The following CCDC3 variants were observed in gnomAD, a reference collection of about 807,000 sequenced individuals.
The protein encoded by CCDC3 is coiled-coil domain-containing protein 3.
In CCDC3, 24 loss-of-function variants were observed where a neutral mutation model predicts 21.4. The ratio of observed to expected loss-of-function variants is 1.12; its 90% confidence interval spans 0.81 to 1.58. The LOEUF (loss-of-function observed/expected upper bound fraction) is 1.58. CCDC3 is among the 40% of genes most tolerant of loss of function. The pLI is 0.00. For synonymous variants in CCDC3, 186 were observed against 166.0 expected (o/e 1.12, Z -0.93); for missense variants, 425 against 360.9 (o/e 1.18, Z -1.44).
At chr10:12,995,003 C>T (rs1257778166) in intron 2 of CCDC3, among the ~76,000 whole-genome samples, 2 of 151,584 alleles carry the variant, frequency 1.3e-5, no homozygotes, top group Non-Finnish European at 2.9e-5. Flanking sequence ...ATCACTTGAA[C>T]CCTCGGAAGT....
intron 4 of CCDC3, among the ~76,000 whole-genome samples, chr10:13,051,883 C>T (rs1336756340): frequency 3.3e-5 from 5 of 152,076 alleles, no homozygotes; most frequent in South Asian, 4.1e-4. Flanking sequence ...TGAGCACTTC[C>T]GCTTGGACAG....
At chr10:13,091,681 T>A (rs1347136186) in intron 3 of CCDC3, among the ~76,000 whole-genome samples, 1 of 152,104 alleles carries the variant, frequency 6.6e-6, no homozygotes, top group Non-Finnish European at 1.5e-5. Flanking sequence ...CATCCTAAAG[T>A]TCTCTCCCCT....
At chr10:12,930,136 C>G (rs1310294487) in intron 2 of CCDC3, among the ~76,000 whole-genome samples, 3 of 152,218 alleles carry the variant, frequency 2.0e-5, no homozygotes, top group African/African-American at 7.2e-5. Context: ...TCCTCCAGCT[C>G]ATGGTCTAGG....
chr10:13,093,815 T>C (rs1832602896), intron 3 of CCDC3, among the ~76,000 whole-genome samples: 1 of 152,182 alleles, frequency 6.6e-6, no homozygotes, highest in South Asian at 2.1e-4. Context: ...TGTACTTTCC[T>C]ACTACTGATC....
intron 2 of CCDC3, among the ~76,000 whole-genome samples, chr10:12,931,123 A>G (rs1470080418): frequency 6.7e-6 from 1 of 150,082 alleles, no homozygotes; most frequent in Admixed American, 6.8e-5. Flanking sequence ...AAGCAGGACA[A>G]TCACTTGAAC....
At chr10:13,002,660 G>A (rs73583893), upstream of CCDC3, among the ~76,000 whole-genome samples, 1,412 of 152,288 alleles carry the variant, frequency 9.3e-3, 20 homozygotes, top group African/African-American at 0.032. Flanking sequence ...ACTTTCAGGC[G>A]TGAGCCCCCA....
chr10:12,920,752 T>G (rs1834438443), intron 2 of CCDC3, among the ~76,000 whole-genome samples: 1 of 152,162 alleles, frequency 6.6e-6, no homozygotes, highest in Admixed American at 6.5e-5. Context: ...GTTTTGTGGA[T>G]TATAAAAGCG....
At chr10:13,025,520 G>A (rs988719357) in intron 5 of CCDC3, among the ~76,000 whole-genome samples, 2 of 152,126 alleles carry the variant, frequency 1.3e-5, no homozygotes, top group Non-Finnish European at 2.9e-5. Context: ...GACTTAGGGC[G>A]CAATTGTCAT....
chr10:13,062,076 C>T (rs1836764614), intron 4 of CCDC3, among the ~76,000 whole-genome samples: 1 of 148,628 alleles, frequency 6.7e-6, no homozygotes, highest in South Asian at 2.1e-4. Context: ...TAATGTTATG[C>T]CAGATTCAGA....
intron 2 of CCDC3, among the ~76,000 whole-genome samples, chr10:12,937,942 G>A (rs1022403575): frequency 7.2e-5 from 11 of 152,172 alleles, no homozygotes; most frequent in African/African-American, 1.2e-4. Flanking sequence ...CTTCCATCCC[G>A]TGGCCCTTAT....
chr10:12,987,210 A>T (rs757585046), intron 2 of CCDC3, among the ~76,000 whole-genome samples: 1 of 152,148 alleles, frequency 6.6e-6, no homozygotes, highest in African/African-American at 2.4e-5. Context: ...CAGCAGGAGT[A>T]CCCATCTTTC....
intron 2 of CCDC3, among the ~76,000 whole-genome samples, chr10:12,982,121 C>CAAAAAAAAAAAAAA (rs71386135): frequency 3.0e-5 from 1 of 33,230 alleles, no homozygotes; most frequent in African/African-American, 1.4e-4. Context: ...GACTCTGTCT[C>CAAAAAAAAAAAAAA]AAAAAAAAAA....
In CCDC3 at chr10:13,048,202, A is replaced by AT. The variant is rs59959644; in HGVS notation, c.-2+1471dup. Among the ~76,000 whole-genome samples, 76 of 151,072 alleles carry AT rather than the reference A, an allele frequency of 5.0e-4. 1 individual carries two copies. Among genetic ancestry groups the AT allele is most frequent in the African/African-American group, 1.5e-3 (62 of 41,254 alleles). ...GGCAGAGTGAATTGAGGTCCCAATT[A>AT]TTTTTTTTTAGACGGAGTCTCGCTC... On this transcript the variant is annotated intron_variant, in intron 5 of 6. Transcript: ENST00000378839.
At chr10:12,948,369 A>C (rs1212092217) in intron 2 of CCDC3, among the ~76,000 whole-genome samples, 1 of 152,068 alleles carries the variant, frequency 6.6e-6, no homozygotes, top group East Asian at 1.9e-4. Context: ...CCCATATACT[A>C]AACTGACTCA....
intron 4 of CCDC3, among the ~76,000 whole-genome samples, chr10:13,066,081 C>G (rs1330562316): frequency 6.6e-6 from 1 of 152,172 alleles, no homozygotes; most frequent in Non-Finnish European, 1.5e-5. Flanking sequence ...GATGCAAAAT[C>G]CTGGGCTCCA....
chr10:12,973,550 C>A (rs1455543625), intron 2 of CCDC3, among the ~76,000 whole-genome samples: 4 of 152,220 alleles, frequency 2.6e-5, no homozygotes, highest in African/African-American at 9.6e-5. Context: ...ACGTGGAAGT[C>A]TCCCCTAAAA....
chr10:13,048,163 A>AT (rs957085685), intron 5 of CCDC3, among the ~76,000 whole-genome samples: 12 of 151,794 alleles, frequency 7.9e-5, no homozygotes, highest in Admixed American at 1.3e-4. Context: ...TTTAAGCTTA[A>AT]TTTTTTTTCT....
At chr10:12,940,229 GTTTTTTTT>G (rs34664068) in intron 2 of CCDC3, among the ~76,000 whole-genome samples, 2 of 105,218 alleles carry the variant, frequency 1.9e-5, no homozygotes, top group African/African-American at 7.2e-5. Context: ...CATTGAAATT[GTTTTTTTT>G]TTTTTTTTTT....
chr10:13,058,926 G>A (rs1327186044), intron 4 of CCDC3, among the ~76,000 whole-genome samples: 1 of 152,084 alleles, frequency 6.6e-6, no homozygotes, highest in African/African-American at 2.4e-5. Context: ...TATTCTAATT[G>A]CTTCACATAC....
Sources: allele counts gnomAD v4.1 joint callset (sites outside exome capture counted in the v4.1 genomes callset), GRCh38; gene constraint gnomAD v4.1.1; transcripts MANE v1.5; gene names NCBI Gene and HGNC (gene_info 2026-07-23, HGNC 2026-07-21).